The following ZC3H12B variants were observed in gnomAD, a reference collection of about 807,000 sequenced individuals.
The protein encoded by ZC3H12B is zinc finger CCCH-type containing 12B.
A neutral mutation model predicts 43.9 loss-of-function variants in ZC3H12B; 7 were observed. The ratio of observed to expected loss-of-function variants is 0.16; its 90% CI spans 0.09 to 0.30. The LOEUF is 0.30. ZC3H12B is among the 10% of genes least tolerant of loss of function. The pLI is 1.00. For synonymous variants in ZC3H12B, 222 were observed against 241.7 expected, an observed-to-expected ratio of 0.92 and a Z score of 0.76; for missense variants, 475 against 670.2, an observed-to-expected ratio of 0.71 and a Z score of 3.22.
the ZC3H12B span, among the ~76,000 whole-genome samples, chrX:65,042,878 TCTC>T: frequency 8.9e-6 from 1 of 112,004 alleles, no homozygotes; most frequent in African/African-American, 3.2e-5. Flanking sequence ...CTCTTTCTCT[TCTC>T]CTTCAACACC....
At chrX:65,450,867 G>GTA (rs1225619426) in intron 3 of ZC3H12B, among the ~76,000 whole-genome samples, 1 of 80,949 alleles carries the variant, frequency 1.2e-5, no homozygotes, top group Non-Finnish European at 2.4e-5. Context: ...GTGTATATAT[G>GTA]TATATATATA....
chrX:65,409,430 C>T lies in ZC3H12B; in HGVS notation n.407+10726C>T, dbSNP rs192652699. On this transcript the variant is annotated intron_variant and non_coding_transcript_variant, in intron 3 of 5. Transcript: ENST00000617377. ...TCACCACTGTTATTCAACATAGTAG[C>T]GGAAGTCCTAGCTAGAGCAATCAAA... 5.2e-3 allele frequency among the ~76,000 whole-genome samples: 580 copies of T among 111,249 alleles called. 2 individuals carry two copies. Among genetic ancestry groups the T allele is most frequent in the African/African-American group, 0.017 (512 of 30,640 alleles).
At chrX:65,183,098 G>C in the ZC3H12B span, among the ~76,000 whole-genome samples, 3 of 111,951 alleles carry the variant, frequency 2.7e-5, no homozygotes, top group Middle Eastern at 4.6e-3. Context: ...ATGTAAATCA[G>C]TCTACTCTAA....
At chrX:65,418,550 G>A (rs1371461341) in intron 3 of ZC3H12B, among the ~76,000 whole-genome samples, 2 of 111,745 alleles carry the variant, frequency 1.8e-5, no homozygotes, top group African/African-American at 6.5e-5. Context: ...CAAAGGCAAA[G>A]TGGGTGTGGT....
chrX:65,067,859 A>G, the ZC3H12B span, among the ~76,000 whole-genome samples: 3 of 109,481 alleles, frequency 2.7e-5, no homozygotes, highest in African/African-American at 1.0e-4. Flanking sequence ...CTCTTTTTTG[A>G]TGTAGGCATT....
At chrX:65,042,248 C>T in the ZC3H12B span, among the ~76,000 whole-genome samples, 1 of 112,009 alleles carries the variant, frequency 8.9e-6, no homozygotes, top group African/African-American at 3.2e-5. Flanking sequence ...TCTCCCACTC[C>T]CTTTTCCATT....
the ZC3H12B span, among the ~76,000 whole-genome samples, chrX:65,175,887 G>A: frequency 1.8e-5 from 2 of 112,458 alleles, no homozygotes; most frequent in Non-Finnish European, 3.8e-5. Flanking sequence ...CACAGTCTTT[G>A]TAACCACAGA....
the ZC3H12B span, among the ~76,000 whole-genome samples, chrX:65,351,636 C>G: frequency 5.4e-5 from 6 of 112,116 alleles, no homozygotes; most frequent in African/African-American, 1.9e-4. Flanking sequence ...AACAAACAAC[C>G]CCATCAAAAA....
At chrX:65,459,058 C>T (rs1343754178) in intron 3 of ZC3H12B, among the ~76,000 whole-genome samples, 1 of 111,495 alleles carries the variant, frequency 9.0e-6, no homozygotes, top group Non-Finnish European at 1.9e-5. Flanking sequence ...ATACAAACTA[C>T]CATCAGAGAA....
chrX:65,222,149 T>C, the ZC3H12B span, among the ~76,000 whole-genome samples: 3 of 111,617 alleles, frequency 2.7e-5, no homozygotes, highest in East Asian at 8.5e-4. Context: ...AAATCCAGCA[T>C]CACTTTATGA....
intron 3 of ZC3H12B, among the ~76,000 whole-genome samples, chrX:65,440,074 G>C (rs2067282248): frequency 8.9e-6 from 1 of 111,946 alleles, no homozygotes; most frequent in Non-Finnish European, 1.9e-5. Context: ...AACTGTGTAT[G>C]GGCTGTCCTG....
At chrX:65,331,815 C>T in the ZC3H12B span, among the ~76,000 whole-genome samples, 3 of 111,061 alleles carry the variant, frequency 2.7e-5, no homozygotes, top group African/African-American at 9.8e-5. Context: ...AGGGTAACTT[C>T]CTGATGTTGC....
the ZC3H12B span, among the ~76,000 whole-genome samples, chrX:65,259,614 T>G: frequency 8.9e-6 from 1 of 112,071 alleles, no homozygotes; most frequent in Non-Finnish European, 1.9e-5. Flanking sequence ...ACTTTTACAC[T>G]GTTGATGGGA....
chrX:65,477,120 C>T (rs182996488), intron 3 of ZC3H12B, among the ~76,000 whole-genome samples: 1 of 109,046 alleles, frequency 9.2e-6, no homozygotes, highest in Non-Finnish European at 1.9e-5. Flanking sequence ...AGACGTGAGC[C>T]ACCATGAACT....
intron 1 of ZC3H12B, among the ~76,000 whole-genome samples, chrX:65,495,887 A>G (rs1366974035): frequency 9.0e-6 from 1 of 110,844 alleles, no homozygotes; most frequent in Middle Eastern, 4.6e-3. Context: ...TTTTCTTTTT[A>G]ATAAACATGG....
chrX:65,147,653 G>T, the ZC3H12B span, among the ~76,000 whole-genome samples: 1 of 111,417 alleles, frequency 9.0e-6, no homozygotes, highest in East Asian at 2.8e-4. Flanking sequence ...TGGAGGCAAT[G>T]CTGGGTTTTG....
At chrX:65,406,357 A>G (rs1434794045) in intron 3 of ZC3H12B, among the ~76,000 whole-genome samples, 1 of 60,976 alleles carries the variant, frequency 1.6e-5, no homozygotes, top group African/African-American at 6.4e-5. Context: ...AAATCAATCA[A>G]TGCGATACAT....
the ZC3H12B span, among the ~76,000 whole-genome samples, chrX:65,122,939 G>T: frequency 8.9e-6 from 1 of 111,780 alleles, no homozygotes; most frequent in African/African-American, 3.2e-5. Context: ...AATAATGGGA[G>T]ACTTTAACAC....
chrX:65,423,865 C>G (rs2067049168), intron 3 of ZC3H12B, among the ~76,000 whole-genome samples: 1 of 111,745 alleles, frequency 8.9e-6, no homozygotes, highest in South Asian at 3.7e-4. Context: ...AATTAGATCC[C>G]ATTTGTCGAT....
Sources: gnomAD v4.1 joint callset for allele counts (sites outside exome capture counted in the v4.1 genomes callset) on GRCh38, gnomAD v4.1.1 for gene constraint, MANE v1.5 for transcripts, NCBI Gene and HGNC (gene_info 2026-07-23, HGNC 2026-07-21) for gene names.